NUBPL: variants seen among roughly 807,000 people sequenced by gnomAD.
The protein encoded by NUBPL is NUBP iron-sulfur cluster assembly factor, mitochondrial, also known as iron-sulfur cluster transfer protein NUBPL.
NUBPL carries 31 observed loss-of-function variants against 45.7 expected under a neutral mutation model. That is an observed-to-expected ratio of 0.68 (90% CI 0.51 to 0.92). The LOEUF (loss-of-function observed/expected upper bound fraction) is 0.92, where lower values mean the gene tolerates loss of function less well. Ranked by LOEUF, NUBPL falls within the 40% of genes least tolerant of loss-of-function variation. The probability of loss-of-function intolerance (pLI) is 0.00; values close to 1 mark genes in which losing one functional copy is unlikely to be tolerated. For synonymous variants in NUBPL, 144 were observed against 140.9 expected (o/e 1.02, Z -0.15); for missense variants, 401 against 398.7 (o/e 1.01, Z -0.05).
intron 7 of NUBPL, among the ~76,000 whole-genome samples, chr14:31,802,887 A>G (rs1009883302): frequency 2.0e-5 from 3 of 152,212 alleles, no homozygotes; most frequent in Admixed American, 6.5e-5. Context: ...AAATTAAGAC[A>G]TTGTAATATT....
chr14:31,664,375 C>G (rs2036352493), intron 4 of NUBPL, among the ~76,000 whole-genome samples: 1 of 152,154 alleles, frequency 6.6e-6, no homozygotes, highest in South Asian at 2.1e-4. Flanking sequence ...ATGGATTTGT[C>G]ATAAATCGCT....
At chr14:31,812,275 C>G (rs372362054) in intron 7 of NUBPL, among the ~76,000 whole-genome samples, 6 of 152,186 alleles carry the variant, frequency 3.9e-5, no homozygotes, top group African/African-American at 9.6e-5. Flanking sequence ...ATTTGGGCCT[C>G]GTTGAGCTGT....
At chr14:31,762,061 A>G (rs893453150) in intron 6 of NUBPL, among the ~76,000 whole-genome samples, 15 of 152,212 alleles carry the variant, frequency 9.9e-5, no homozygotes, top group Non-Finnish European at 1.6e-4. Context: ...TTAATTACCC[A>G]GGATGAAATT....
At chr14:31,595,410 C>T (rs772361110) in intron 3 of NUBPL, among the ~76,000 whole-genome samples, 31 of 152,264 alleles carry the variant, frequency 2.0e-4, no homozygotes, top group Non-Finnish European at 4.0e-4. Flanking sequence ...AGTAAGTTTA[C>T]AGTTATTTTT....
chr14:31,577,116 G>T (rs1461161150), intron 3 of NUBPL, among the ~76,000 whole-genome samples: 1 of 152,204 alleles, frequency 6.6e-6, no homozygotes, highest in African/African-American at 2.4e-5. Flanking sequence ...CTTTTGATGG[G>T]AGGGGTATCA....
At chr14:31,704,355 A>G (rs2037400964) in intron 6 of NUBPL, among the ~76,000 whole-genome samples, 1 of 152,048 alleles carries the variant, frequency 6.6e-6, no homozygotes, top group Non-Finnish European at 1.5e-5. Flanking sequence ...ATTCTTTCTG[A>G]TAGTCATAGT....
intron 6 of NUBPL, among the ~76,000 whole-genome samples, chr14:31,702,679 T>G (rs2037365241): frequency 6.6e-6 from 1 of 152,230 alleles, no homozygotes; most frequent in African/African-American, 2.4e-5. Context: ...TGACTCTGAC[T>G]ATAATATTCT....
intron 4 of NUBPL, among the ~76,000 whole-genome samples, chr14:31,607,899 A>G (rs914955267): frequency 2.0e-5 from 3 of 152,182 alleles, no homozygotes; most frequent in Non-Finnish European, 4.4e-5. Flanking sequence ...AGGTTATAAA[A>G]CAAAACAGAT....
intron 4 of NUBPL, among the ~76,000 whole-genome samples, chr14:31,615,808 A>G (rs1307173661): frequency 3.3e-5 from 5 of 152,194 alleles, no homozygotes; most frequent in Admixed American, 1.3e-4. Context: ...TTGGGTATAT[A>G]CCCAGTAATG....
rs192216074 is a variant in NUBPL at position 31,676,359 on chromosome 14, C to T, written c.513+2785C>T. ...TTTTTTTTATATGGTTTCACTTAGC[C>T]TAAGGCTTTTGAAATTCATGTTTAT... On this transcript the variant is annotated intron_variant, in intron 6 of 10. Transcript: ENST00000281081. Among the ~76,000 whole-genome samples, 3 of 152,148 alleles carry T rather than the reference C, an allele frequency of 2.0e-5. No homozygotes were observed. In the East Asian group the frequency reaches 5.8e-4, roughly 29 times the overall value.
rs1302110965 is a variant in NUBPL at position 31,860,771 on chromosome 14, C to T, written c.*1591C>T. The stretch of plus-strand genomic sequence containing the variant: ...TTCATTGGGTAAATGATTAAACAAA[C>T]CATAGTACATTCATACCGTGAGTGC... On this transcript the variant is annotated 3_prime_UTR_variant, in exon 11 of 11. Transcript: ENST00000281081. 6.6e-6 allele frequency: 1 copy of T among 152,126 alleles called. No homozygotes were observed. Among genetic ancestry groups the T allele is most frequent in the Non-Finnish European group, 1.5e-5 (1 of 68,032 alleles). 9.4% of individuals were successfully genotyped at this position (152,126 alleles called of 1,614,324 possible). A position where few individuals can be genotyped will look rare whatever the true frequency, so the allele number is the denominator to read the frequency against.
intron 6 of NUBPL, among the ~76,000 whole-genome samples, chr14:31,760,867 C>T (rs2038792693): frequency 1.3e-5 from 2 of 150,830 alleles, no homozygotes; most frequent in Admixed American, 6.6e-5. Flanking sequence ...GAGCTAGGGT[C>T]TTACTCTGTT....
chr14:31,713,640 T>G (rs1413128682), intron 6 of NUBPL, among the ~76,000 whole-genome samples: 2 of 152,224 alleles, frequency 1.3e-5, no homozygotes, highest in African/African-American at 4.8e-5. Context: ...ATTTCTAGCC[T>G]TGCTCAACAA....
At chr14:31,601,109 C>T (rs1156383224) in intron 4 of NUBPL, among the ~76,000 whole-genome samples, 1 of 152,140 alleles carries the variant, frequency 6.6e-6, no homozygotes, top group Non-Finnish European at 1.5e-5. Context: ...TTCCATTGAT[C>T]TATATCTCTG....
chr14:31,636,133 T>C (rs1261234217), intron 4 of NUBPL, among the ~76,000 whole-genome samples: 1 of 152,066 alleles, frequency 6.6e-6, no homozygotes, highest in Non-Finnish European at 1.5e-5. Flanking sequence ...CTATGTTGAA[T>C]AGGAGTGGTG....
At chr14:31,680,646 A>T (rs756812310) in intron 6 of NUBPL, among the ~76,000 whole-genome samples, 3 of 152,098 alleles carry the variant, frequency 2.0e-5, no homozygotes, top group Non-Finnish European at 4.4e-5. Context: ...CTCTATAGGT[A>T]CCAAAATCCA....
intron 7 of NUBPL, among the ~76,000 whole-genome samples, chr14:31,809,310 T>C (rs2039754086): frequency 6.6e-6 from 1 of 152,186 alleles, no homozygotes; most frequent in Non-Finnish European, 1.5e-5. Context: ...TTACTCGCTA[T>C]TCAGAGATTC....
intron 6 of NUBPL, among the ~76,000 whole-genome samples, chr14:31,704,171 A>T (rs1178909224): frequency 6.6e-6 from 1 of 152,120 alleles, no homozygotes; most frequent in African/African-American, 2.4e-5. Context: ...CTCTCAGGGC[A>T]GGAGGGTGAC....
chr14:31,672,961 G>A (rs376347829), intron 4 of NUBPL, among the ~76,000 whole-genome samples: 2 of 152,114 alleles, frequency 1.3e-5, no homozygotes, highest in South Asian at 4.1e-4. Context: ...AAGGATGGAC[G>A]GGCAAAGGGG....
Sources: allele counts gnomAD v4.1 joint callset (sites outside exome capture counted in the v4.1 genomes callset), GRCh38; gene constraint gnomAD v4.1.1; transcripts MANE v1.5; gene names NCBI Gene and HGNC (gene_info 2026-07-23, HGNC 2026-07-21).